The following INVS variants were observed in gnomAD, a reference collection of about 807,000 sequenced individuals.
INVS encodes inversin.
In INVS, 86 loss-of-function variants were observed where a neutral mutation model predicts 108.8. The observed-to-expected ratio is 0.79, with a 90% CI of 0.66 to 0.95. The LOEUF is 0.95. Ranked by LOEUF, INVS falls within the 40% of genes least tolerant of loss-of-function variation. The pLI, the probability that INVS is intolerant of heterozygous loss-of-function variation, is 0.00. For missense variants in INVS, 1,169 were observed against 1,297.4 expected, an observed-to-expected ratio of 0.90 and a Z score of 1.52; for synonymous variants, 455 against 473.5, an observed-to-expected ratio of 0.96 and a Z score of 0.51.
intron 12 of INVS, among the ~76,000 whole-genome samples, chr9:100,279,240 A>G (rs1264344046): frequency 6.6e-6 from 1 of 152,224 alleles, no homozygotes; most frequent in Non-Finnish European, 1.5e-5. Context: ...ATCTCATTTC[A>G]TAAATGTGGA....
intron 1 of INVS, among the ~76,000 whole-genome samples, chr9:100,100,636 TATTATATATGTATATATAA>T (rs1564111163): frequency 7.0e-5 from 5 of 71,036 alleles, no homozygotes; most frequent in African/African-American, 3.8e-4. Flanking sequence ...ATAATATATA[TATTATATATGTATATATAA>T]TATATATATT....
rs11999333 is a variant in INVS at position 100,134,339 on chromosome 9, G to A, written c.273+7790G>A. Among the ~76,000 whole-genome samples the A allele has an allele frequency of 4.7e-3, 716 of 152,224 alleles. 7 individuals carry two copies. Among genetic ancestry groups the A allele is most frequent in the African/African-American group, 0.016 (678 of 41,522 alleles). On this transcript the variant is annotated intron_variant, in intron 3 of 16. Transcript: ENST00000262457. ...TACACCAGAGTTTCTTTATCCACTC[G>A]TTGATTGATGGGCATTTGGGTTGGT... is the stretch of plus-strand genomic sequence containing the variant.
In INVS at chr9:100,262,197, A is replaced by G. The variant is rs114025383; in HGVS notation, c.1465-2625A>G. Among the ~76,000 whole-genome samples the G allele has an allele frequency of 9.3e-3, 1,411 of 151,710 alleles. 23 individuals are homozygous for G. The highest frequency in any genetic ancestry group is 0.032 in the African/African-American group (1,331 of 41,388). ...GCCTATAATTTTCCTTTCTTGTATT[A>G]TAGTTGCAAGGTTTTGGTAGCAAGG... On this transcript the variant is annotated intron_variant, in intron 10 of 16. Transcript: ENST00000262457.
At chr9:100,125,298 T>G (rs536830849) in intron 2 of INVS, among the ~76,000 whole-genome samples, 18 of 152,306 alleles carry the variant, frequency 1.2e-4, no homozygotes, top group African/African-American at 4.3e-4. Context: ...GAGGTGCAGT[T>G]TCTTTTATTG....
intron 6 of INVS, among the ~76,000 whole-genome samples, 196 bp from the exon 7 acceptor site, chr9:100,242,374 A>AAGTTTTC (rs1280625248): frequency 2.0e-5 from 3 of 152,156 alleles, no homozygotes; most frequent in Non-Finnish European, 4.4e-5. Flanking sequence ...AGTTTTTAGT[A>AAGTTTTC]AGTTTTCATT....
intron 12 of INVS, among the ~76,000 whole-genome samples, chr9:100,274,339 T>C (rs562546480): frequency 2.1e-5 from 3 of 144,920 alleles, no homozygotes; most frequent in African/African-American, 5.4e-5. Context: ...GCCTGGGCAA[T>C]AGAGTCAGAC....
At chr9:100,220,638 C>A (rs569737494) in intron 3 of INVS, among the ~76,000 whole-genome samples, 1 of 152,234 alleles carries the variant, frequency 6.6e-6, no homozygotes, top group South Asian at 2.1e-4. Context: ...TAAAAGCAGA[C>A]CCTAAAACAA....
At chr9:100,145,465 C>T (rs564457851) in intron 3 of INVS, among the ~76,000 whole-genome samples, 5 of 151,350 alleles carry the variant, frequency 3.3e-5, no homozygotes, top group South Asian at 2.1e-4. Flanking sequence ...ATTAAGGGAT[C>T]GGGGCACAGA....
chr9:100,255,399 C>T (rs1445214049), intron 10 of INVS, among the ~76,000 whole-genome samples: 1 of 151,878 alleles, frequency 6.6e-6, no homozygotes, highest in Non-Finnish European at 1.5e-5. Flanking sequence ...AATTGAATAC[C>T]TTTATTTCTT....
intron 3 of INVS, among the ~76,000 whole-genome samples, chr9:100,221,601 G>T (rs997962487): frequency 7.9e-6 from 1 of 127,304 alleles, no homozygotes. Flanking sequence ...CCTCCCCAAG[G>T]TACCTGCTAA....
chr9:100,201,002 C>CAATA (rs1316913935), intron 3 of INVS, among the ~76,000 whole-genome samples: 1 of 152,214 alleles, frequency 6.6e-6, no homozygotes, highest in Non-Finnish European at 1.5e-5. Context: ...TCCTAAAAGA[C>CAATA]AATACTGTCA....
chr9:100,156,746 G>A (rs953467800), intron 3 of INVS, among the ~76,000 whole-genome samples: 3 of 152,086 alleles, frequency 2.0e-5, no homozygotes, highest in African/African-American at 4.8e-5. Context: ...TTTCATATAT[G>A]TATGTTTCCT....
chr9:100,105,681 C>T (rs1827150478), intron 2 of INVS, among the ~76,000 whole-genome samples: 2 of 152,200 alleles, frequency 1.3e-5, no homozygotes, highest in South Asian at 2.1e-4. Flanking sequence ...AAAACTCTTA[C>T]TTTCAGCTCA....
chr9:100,228,086 G>A (rs2118417538), intron 4 of INVS, among the ~76,000 whole-genome samples: 1 of 150,118 alleles, frequency 6.7e-6, no homozygotes, highest in South Asian at 2.1e-4. Flanking sequence ...CACCTCCCAG[G>A]TTCAAGCGAT....
intron 10 of INVS, among the ~76,000 whole-genome samples, chr9:100,256,718 G>T (rs1832432751): frequency 6.6e-6 from 1 of 152,186 alleles, no homozygotes; most frequent in Non-Finnish European, 1.5e-5. Flanking sequence ...CCATGTAGTT[G>T]AGTGGTTTTG....
At position 100,246,686 on chromosome 9, in the gene INVS, T is replaced by C; in HGVS notation, c.977T>C (p.Phe326Ser). 2 of 1,613,816 alleles carry C rather than the reference T, an allele frequency of 1.2e-6. No individual in the cohort carries two copies. Among genetic ancestry groups the C allele is most frequent in the Non-Finnish European group, 1.7e-6 (2 of 1,179,776 alleles). ...TCAGACCTGGAAGGAAGAACATCCT[T>C]TATGTGGGCAGCTGGCAAAGGCAGT... ...DDSDLEGRTS[F>S]MWAAGKGSDD... is the part of the protein sequence containing the mutation. The change falls in exon 8 of 17, where the codon TTT (phenylalanine) becomes TCT (serine). Residue 326 changes from phenylalanine (F) to serine (S), a missense_variant. This residue lies in a region of INVS where 365 missense variants were observed against 397.5 expected (regional missense o/e 0.92). Transcript: ENST00000262457.
chr9:100,246,542 A>G, intron 7 of INVS, 74 bp from the exon 8 acceptor site: 2 of 1,040,292 alleles, frequency 1.9e-6, no homozygotes, highest in Non-Finnish European at 2.9e-6. Flanking sequence ...GAATTCACAT[A>G]TTATTATATG....
intron 12 of INVS, among the ~76,000 whole-genome samples, chr9:100,280,274 TC>T (rs894291564): frequency 2.0e-4 from 31 of 152,286 alleles, no homozygotes; most frequent in Non-Finnish European, 4.4e-4. Context: ...ACAGCCCCAG[TC>T]CCATCAGCTG....
intron 12 of INVS, among the ~76,000 whole-genome samples, chr9:100,276,652 G>T (rs1833123212): frequency 6.6e-6 from 1 of 152,070 alleles, no homozygotes; most frequent in Non-Finnish European, 1.5e-5. Flanking sequence ...GAGATTACAG[G>T]TGTGTGCCAC....
Sources: gnomAD v4.1 joint callset for allele counts (sites outside exome capture counted in the v4.1 genomes callset) on GRCh38, gnomAD v4.1.1 for gene constraint, gnomAD v4.1.1 regional missense constraint, MANE v1.5 for transcripts, NCBI Gene and HGNC (gene_info 2026-07-23, HGNC 2026-07-21) for gene names.